STUM: variants seen among roughly 807,000 people sequenced by gnomAD.
STUM encodes protein stum homolog.
A neutral mutation model predicts 15.3 loss-of-function variants in STUM; 8 were observed. The ratio of observed to expected loss-of-function variants is 0.52; its 90% confidence interval spans 0.31 to 0.94. The LOEUF (loss-of-function observed/expected upper bound fraction) is 0.94, where lower values mean the gene tolerates loss of function less well. Ranked by LOEUF, STUM falls within the 40% of genes least tolerant of loss-of-function variation. The pLI is 0.05. For synonymous variants in STUM, 78 were observed against 88.7 expected, an observed-to-expected ratio of 0.88 and a Z score of 0.68; for missense variants, 142 against 204.9, an observed-to-expected ratio of 0.69 and a Z score of 1.87.
intron 1 of STUM, among the ~76,000 whole-genome samples, chr1:226,591,199 C>T (rs1013401350): frequency 6.6e-6 from 1 of 152,192 alleles, no homozygotes; most frequent in Admixed American, 6.5e-5. Context: ...AATCCATTCA[C>T]TTAATCTCTA....
In STUM at chr1:226,548,954, TGGC is replaced by T. The variant is rs764555545; in HGVS notation, c.59_61del (p.Ala20del). ...GAGACGGCGGCGGCGGCGGCGGCGG[TGGC>T]GGCGGCGGACCCCCGGGGGGCGTCC... On this transcript the variant is annotated inframe_deletion, in exon 1 of 4. Transcript: ENST00000366788. The T allele has an allele frequency of 4.8e-6, 7 of 1,462,716 alleles. No homozygotes were observed. The highest frequency in any genetic ancestry group is 5.9e-5 in the Admixed American group (2 of 34,018). The allele number at this position is 1,462,716 out of a possible 1,614,324, so 90.6% of individuals were successfully genotyped here.
At chr1:226,574,228 C>T (rs1278401618) in intron 1 of STUM, among the ~76,000 whole-genome samples, 3 of 152,214 alleles carry the variant, frequency 2.0e-5, no homozygotes, top group Admixed American at 6.5e-5. Context: ...TGCCCTTTGA[C>T]CTCTGTCTGC....
chr1:226,555,424 T>A (rs892362062), intron 1 of STUM, among the ~76,000 whole-genome samples: 4 of 152,236 alleles, frequency 2.6e-5, no homozygotes, highest in African/African-American at 9.6e-5. Context: ...TCCCCAGACC[T>A]GCTTCTCCCT....
chr1:226,578,757 TC>T (rs1375946640), intron 1 of STUM, among the ~76,000 whole-genome samples: 2 of 152,128 alleles, frequency 1.3e-5, no homozygotes, highest in African/African-American at 4.8e-5. Flanking sequence ...AGCGGCTGCT[TC>T]CCTGGGCAGA....
chr1:226,597,498 T>C, intron 2 of STUM: 2 of 472,062 alleles, frequency 4.2e-6, no homozygotes, highest in Non-Finnish European at 8.8e-6. Flanking sequence ...ATGCCCCTCA[T>C]TGTGTCCTAT....
chr1:226,569,653 T>G (rs573639597), intron 1 of STUM, among the ~76,000 whole-genome samples: 3 of 152,124 alleles, frequency 2.0e-5, no homozygotes, highest in Non-Finnish European at 4.4e-5. Context: ...TAACTTGCAT[T>G]GTTTGAAAAG....
Position 226,579,457 on chromosome 1 carries a change from T to C in STUM, c.203-17345T>C, listed in dbSNP as rs114247945. Among the ~76,000 whole-genome samples, 1,233 of 152,220 alleles carry C rather than the reference T, an allele frequency of 8.1e-3. 16 individuals are homozygous for C. The highest frequency in any genetic ancestry group is 0.028 in the African/African-American group (1,144 of 41,526). ...GGTGCTTCCTGTCTCTTCGAGGAGA[T>C]AGACGTTACATCAGATAATCCCACC... On this transcript the variant is annotated intron_variant, in intron 1 of 3. Coordinates refer to ENST00000366788, the MANE Select transcript of STUM (RefSeq NM_001003665.4).
rs937845458 is a variant in STUM, at chr1:226,604,456, A to G, written c.*2416A>G. The G allele has an allele frequency of 6.6e-6, 1 of 152,262 alleles. No homozygotes were observed. 9.4% of individuals were successfully genotyped at this position (152,262 alleles called of 1,614,324 possible). A position where few individuals can be genotyped will look rare whatever the true frequency, so the allele number is the denominator to read the frequency against. On this transcript the variant is annotated 3_prime_UTR_variant, in exon 4 of 4. Coordinates refer to ENST00000366788, the MANE Select transcript of STUM (RefSeq NM_001003665.4). This position sits in a 1 kb window ranked among gnomAD's most constrained non-coding sequence, Gnocchi z 4.7. ...TTCCGGGTAACTGATGTGTGGGAGA[A>G]GCCAAGAGGCCCCTGCCTGTCTCCT... is the stretch of plus-strand genomic sequence containing the variant.
intron 1 of STUM, among the ~76,000 whole-genome samples, chr1:226,590,681 G>C (rs145069874): frequency 6.6e-6 from 1 of 152,048 alleles, no homozygotes; most frequent in Non-Finnish European, 1.5e-5. Context: ...CCATGTGAAC[G>C]GCCAGGCCAG....
At chr1:226,594,501 C>G in intron 1 of STUM, among the ~76,000 whole-genome samples, 1 of 152,190 alleles carries the variant, frequency 6.6e-6, no homozygotes, top group Admixed American at 6.5e-5. Flanking sequence ...CCATCTACAC[C>G]TGGGAGGCAG....
At chr1:226,573,885 G>T (rs1448189482) in intron 1 of STUM, among the ~76,000 whole-genome samples, 1 of 151,522 alleles carries the variant, frequency 6.6e-6, no homozygotes, top group Middle Eastern at 3.4e-3. Context: ...GCCAGGCTGG[G>T]GTGCAGTGGT....
intron 1 of STUM, among the ~76,000 whole-genome samples, chr1:226,583,963 A>G (rs557413962): frequency 1.2e-4 from 19 of 152,220 alleles, no homozygotes; most frequent in African/African-American, 3.6e-4. Flanking sequence ...TCTTGTTCCA[A>G]CTATCTATTG....
Position 226,602,302 on chromosome 1 carries a change from C to A in STUM, c.*262C>A. On this transcript the variant is annotated 3_prime_UTR_variant, in exon 4 of 4. Transcript: ENST00000366788. ...AGAGAGTGGGGTGGAGATGAGAACG[C>A]CCACAGAGAGGCTGGGATGCTCCGG... 1 of 501,044 alleles carries A rather than the reference C, an allele frequency of 2.0e-6. No individual in the cohort carries two copies. The highest frequency in any genetic ancestry group is 3.6e-6 in the Non-Finnish European group (1 of 277,378). The allele number at this position is 501,044 out of a possible 1,614,324, so 31.0% of individuals were successfully genotyped here. A position where few individuals can be genotyped will look rare whatever the true frequency, so the allele number is the denominator to read the frequency against.
At chr1:226,584,008 G>GAA (rs956797573) in intron 1 of STUM, among the ~76,000 whole-genome samples, 1 of 147,876 alleles carries the variant, frequency 6.8e-6, no homozygotes, top group African/African-American at 2.5e-5. Context: ...TTAGTGGTGC[G>GAA]AAAAAAAAAA....
intron 1 of STUM, among the ~76,000 whole-genome samples, chr1:226,556,042 C>T (rs1245467937): frequency 1.3e-5 from 2 of 152,078 alleles, no homozygotes; most frequent in African/African-American, 2.4e-5. Context: ...TCAAATCCGG[C>T]GTATATTTTA....
At chr1:226,564,381 C>T (rs1044007461) in intron 1 of STUM, among the ~76,000 whole-genome samples, 2 of 152,158 alleles carry the variant, frequency 1.3e-5, no homozygotes, top group Admixed American at 6.5e-5. Context: ...CTTTGTCTCC[C>T]AGGCCTATTT....
chr1:226,582,359 G>A (rs1182165159), intron 1 of STUM, among the ~76,000 whole-genome samples: 5 of 152,282 alleles, frequency 3.3e-5, no homozygotes, highest in Admixed American at 2.6e-4. Flanking sequence ...TTGGGAGGCC[G>A]AGGCAGGTGG....
In STUM at chr1:226,550,279, G is replaced by A. The variant is rs549745926; in HGVS notation, c.202+1173G>A. 1.7e-3 allele frequency among the ~76,000 whole-genome samples: 258 copies of A among 152,334 alleles called. 1 individual carries two copies. Among genetic ancestry groups the A allele is most frequent in the South Asian group, 6.6e-3 (32 of 4,826 alleles). On this transcript the variant is annotated intron_variant, in intron 1 of 3. Transcript: ENST00000366788. ...GCCAAGGCCACAGCCACCCACGCAG[G>A]ACCCGTTCACTTTCCCCTCCGAGCT...
At chr1:226,559,562 C>T (rs1376031726) in intron 1 of STUM, among the ~76,000 whole-genome samples, 1 of 152,226 alleles carries the variant, frequency 6.6e-6, no homozygotes, top group Non-Finnish European at 1.5e-5. Flanking sequence ...CATGACCTGT[C>T]AGTGACCACA....
Sources: gnomAD v4.1 joint callset for allele counts (sites outside exome capture counted in the v4.1 genomes callset) on GRCh38, gnomAD v4.1.1 for gene constraint, Gnocchi (gnomAD v3.1) non-coding constraint, MANE v1.5 for transcripts, NCBI Gene and HGNC (gene_info 2026-07-23, HGNC 2026-07-21) for gene names.